The following KIF13B variants were observed in gnomAD, a reference collection of about 807,000 sequenced individuals.
KIF13B encodes the protein kinesin family member 13B.
KIF13B carries 127 observed loss-of-function variants against 222.0 expected under a neutral mutation model. The observed-to-expected ratio is 0.57, with a 90% CI of 0.50 to 0.66. The LOEUF is 0.66. Ranked by LOEUF, KIF13B falls within the 30% of genes least tolerant of loss-of-function variation. The pLI is 0.00. For missense variants in KIF13B, 2,173 were observed against 2,379.0 expected (o/e 0.91, Z 1.80); for synonymous variants, 976 against 919.0 (o/e 1.06, Z -1.12).
chr8:29,080,627 A>G (rs1040211491), intron 37 of KIF13B, among the ~76,000 whole-genome samples: 11 of 152,198 alleles, frequency 7.2e-5, no homozygotes, highest in African/African-American at 2.4e-4. Flanking sequence ...TCTGGCAGGT[A>G]TAGTTATTTT....
At position 29,109,448 on chromosome 8, in the gene KIF13B, G is replaced by A; in HGVS notation, c.4147C>T (p.Pro1383Ser). 6.2e-7 allele frequency: 1 copy of A among 1,613,578 alleles called. No homozygotes were observed. Among genetic ancestry groups the A allele is most frequent in the Non-Finnish European group, 8.5e-7 (1 of 1,179,510 alleles). The change falls in exon 34 of 40, where the codon CCA becomes TCA. Residue 1383 changes from proline to serine, a missense_variant. Pro to Ser is a moderately conservative substitution (Grantham distance 74). Coordinates refer to ENST00000524189, the MANE Select transcript of KIF13B (RefSeq NM_015254.4). ...CACACACTCACTCTGTTCACATTTGGAGAACTGATACTCCTCCTGCTCAAC... is the reference window on the plus strand; with the variant it reads ...CACACACTCACTCTGTTCACATTTGAAGAACTGATACTCCTCCTGCTCAAC... ...GKLSRRSISS[P>S]NVNRLSGSRQ...
chr8:29,109,133 T>C (rs1809234409), intron 34 of KIF13B, among the ~76,000 whole-genome samples: 1 of 152,206 alleles, frequency 6.6e-6, no homozygotes, highest in Non-Finnish European at 1.5e-5. Flanking sequence ...CATAGGCCCG[T>C]GGCTAGTTTG....
chr8:29,196,803 C>T (rs1813441591), intron 2 of KIF13B, among the ~76,000 whole-genome samples: 1 of 152,172 alleles, frequency 6.6e-6, no homozygotes. Flanking sequence ...AACAGTTGCA[C>T]ATCCCAAATC....
At position 29,123,251 on chromosome 8, in the gene KIF13B, A is replaced by G. The variant is rs552112794; in HGVS notation, c.3479+115T>C. 2,283 of 1,164,318 alleles carry G rather than the reference A, an allele frequency of 2.0e-3. 9 individuals carry two copies. The highest frequency in any genetic ancestry group is 3.8e-3 in the South Asian group (226 of 59,982). The allele number at this position is 1,164,318 out of a possible 1,614,324, so 72.1% of individuals were successfully genotyped here. On this transcript the variant is annotated intron_variant, in intron 28 of 39. Transcript: ENST00000524189. ...TAACAGTTCCTTTAATTTAAACAACATTTCCCCCCATGCTATTGACTCTTC... is the reference window on the plus strand; with the variant it reads ...TAACAGTTCCTTTAATTTAAACAACGTTTCCCCCCATGCTATTGACTCTTC...
At chr8:29,197,727 A>C (rs888794970) in intron 2 of KIF13B, among the ~76,000 whole-genome samples, 2 of 152,204 alleles carry the variant, frequency 1.3e-5, no homozygotes, top group Non-Finnish European at 2.9e-5. Context: ...ACTAAAGACC[A>C]TGGCTTCAGG....
intron 2 of KIF13B, among the ~76,000 whole-genome samples, chr8:29,214,045 T>C (rs1305269622): frequency 6.6e-6 from 1 of 152,218 alleles, no homozygotes; most frequent in African/African-American, 2.4e-5. Context: ...CTAGGGCATT[T>C]ACCATCAATG....
chr8:29,181,979 C>A lies in KIF13B; in HGVS notation c.525G>T (p.Glu175Asp). ...CGACATAAGGTCCCAACACACTATG[C>A]TCTCTGACTTTCAACGTCTGACGGC... ...KGSRQTLKVREHSVLGPYVDG... is the reference protein window; with the variant it reads ...KGSRQTLKVRDHSVLGPYVDG... The change falls in exon 7 of 40, where the codon GAG (glutamate) becomes GAT (aspartate). Residue 175 changes from glutamate (E) to aspartate (D), a missense_variant. Coordinates refer to ENST00000524189, the MANE Select transcript of KIF13B (RefSeq NM_015254.4). 6.2e-7 allele frequency: 1 copy of A among 1,613,478 alleles called. No individual in the cohort carries two copies. The highest frequency in any genetic ancestry group is 8.5e-7 in the Non-Finnish European group (1 of 1,179,670).
rs1809973925 is a variant in KIF13B at position 29,123,581 on chromosome 8, T to C, written c.3353-89A>G. The C allele has an allele frequency of 3.9e-6, 6 of 1,525,794 alleles. No individual in the cohort carries two copies. In the South Asian group the frequency reaches 6.9e-5, roughly 18 times the overall value. The allele number at this position is 1,525,794 out of a possible 1,614,324, so 94.5% of individuals were successfully genotyped here. ...AGTAAAGACTGGATTTGCCTATATTTCAATTATTAGCTCACAAGTGCTCCC... is the reference window on the plus strand; with the variant it reads ...AGTAAAGACTGGATTTGCCTATATTCCAATTATTAGCTCACAAGTGCTCCC... On this transcript the variant is annotated intron_variant, in intron 27 of 39. Coordinates refer to ENST00000524189, the MANE Select transcript of KIF13B (RefSeq NM_015254.4).
intron 37 of KIF13B, among the ~76,000 whole-genome samples, chr8:29,084,932 A>G (rs1807976629): frequency 6.6e-6 from 1 of 152,258 alleles, no homozygotes; most frequent in African/African-American, 2.4e-5. Flanking sequence ...CTTTCAGTGC[A>G]GTATTTTTGC....
In KIF13B at chr8:29,263,063, T is replaced by G. The variant is rs757969525; in HGVS notation, c.-29A>C. 6.4e-7 allele frequency: 1 copy of G among 1,574,042 alleles called. No homozygotes were observed. Among genetic ancestry groups the G allele is most frequent in the Non-Finnish European group, 8.6e-7 (1 of 1,161,912 alleles). On this transcript the variant is annotated 5_prime_UTR_variant, in exon 1 of 40. Coordinates refer to ENST00000524189, the MANE Select transcript of KIF13B (RefSeq NM_015254.4). ...GCAGCCGCCGAGGAACTCGTTCGGCTTCCGTCTGCCGCGGCCACCGGCGAC... is the reference window on the plus strand; with the variant it reads ...GCAGCCGCCGAGGAACTCGTTCGGCGTCCGTCTGCCGCGGCCACCGGCGAC...
At chr8:29,147,680 G>A in intron 16 of KIF13B, 78 bp from the exon 17 acceptor site, 1 of 1,101,434 alleles carries the variant, frequency 9.1e-7, no homozygotes, top group South Asian at 1.4e-5. Flanking sequence ...ATATGGTAAT[G>A]TTGTCTGTCA....
At chr8:29,078,389 G>T (rs1807666013) in intron 37 of KIF13B, among the ~76,000 whole-genome samples, 1 of 151,900 alleles carries the variant, frequency 6.6e-6, no homozygotes. Flanking sequence ...TTTTGGCACA[G>T]GCCTTGGGTA....
At chr8:29,260,590 T>C (rs1395647392) in intron 1 of KIF13B, among the ~76,000 whole-genome samples, 2 of 151,950 alleles carry the variant, frequency 1.3e-5, no homozygotes, top group African/African-American at 2.4e-5. Flanking sequence ...AAAAAGGAAA[T>C]TACTGGAAAG....
At chr8:29,263,093 C>A (rs1376085171), upstream of KIF13B, 2 of 1,145,142 alleles carry the variant, frequency 1.7e-6, no homozygotes, top group Admixed American at 2.4e-5. Flanking sequence ...GGCGACTCTT[C>A]GGGGTTGACC....
At chr8:29,255,611 T>C (rs781744566) in intron 1 of KIF13B, among the ~76,000 whole-genome samples, 8 of 152,194 alleles carry the variant, frequency 5.3e-5, no homozygotes, top group Non-Finnish European at 1.2e-4. Flanking sequence ...GGTACCACTC[T>C]GAACCCTCCC....
intron 2 of KIF13B, among the ~76,000 whole-genome samples, chr8:29,228,865 T>C (rs1563808615): frequency 1.3e-5 from 2 of 152,218 alleles, no homozygotes; most frequent in African/African-American, 4.8e-5. Context: ...GTTAATATCT[T>C]GTTACAAATG....
intron 1 of KIF13B, among the ~76,000 whole-genome samples, chr8:29,253,563 A>G (rs1816358624): frequency 6.6e-6 from 1 of 152,106 alleles, no homozygotes; most frequent in South Asian, 2.1e-4. Context: ...CTCTAAACAA[A>G]TAAACAGTTT....
chr8:29,171,062 C>G (rs184002032), intron 10 of KIF13B, among the ~76,000 whole-genome samples: 24 of 152,332 alleles, frequency 1.6e-4, no homozygotes, highest in Admixed American at 7.2e-4. Context: ...AGGGAAACGA[C>G]TGTCATCCAG....
chr8:29,184,933 T>G (rs528662966), intron 6 of KIF13B, among the ~76,000 whole-genome samples: 33 of 152,230 alleles, frequency 2.2e-4, no homozygotes, highest in Non-Finnish European at 3.8e-4. Flanking sequence ...TAAGGTACTC[T>G]CTAGCCTCTT....
Sources: allele counts gnomAD v4.1 joint callset (sites outside exome capture counted in the v4.1 genomes callset), GRCh38; gene constraint gnomAD v4.1.1; transcripts MANE v1.5; gene names NCBI Gene and HGNC (gene_info 2026-07-23, HGNC 2026-07-21).